The following TMEM8B variants were observed in gnomAD, a reference collection of about 807,000 sequenced individuals.
The protein encoded by TMEM8B is transmembrane protein 8B, also known as nasopharyngeal carcinoma expressed 6.
Under a neutral mutation model 49.3 loss-of-function variants are expected in TMEM8B, and 29 were observed. The ratio of observed to expected loss-of-function variants is 0.59; its 90% CI spans 0.44 to 0.80. The LOEUF (loss-of-function observed/expected upper bound fraction) is 0.80, where lower values mean the gene tolerates loss of function less well. Among genes scored for constraint, TMEM8B ranks in the 30% least tolerant of loss-of-function variants. The pLI is 0.00. For missense variants in TMEM8B, 575 were observed against 658.5 expected (o/e 0.87, Z 1.39); for synonymous variants, 264 against 272.8 (o/e 0.97, Z 0.32).
At position 35,853,014 on chromosome 9, in the gene TMEM8B, T is replaced by G; in HGVS notation, c.2322+41T>G. On this transcript the variant is annotated intron_variant, in intron 11 of 12. Coordinates refer to ENST00000643932, the MANE Select transcript of TMEM8B (RefSeq NM_001042590.4). This position sits in a 1 kb window ranked among gnomAD's most constrained non-coding sequence, Gnocchi z 4.2. Reference sequence around the variant, plus strand: ...GCCCTGGGGAACAACCATGGCCAAGTCTCCTTGAAATCCACTCCTGACCTC... The same window carrying G: ...GCCCTGGGGAACAACCATGGCCAAGGCTCCTTGAAATCCACTCCTGACCTC... 6.2e-7 allele frequency: 1 copy of G among 1,613,358 alleles called. No homozygotes were observed. Among genetic ancestry groups the G allele is most frequent in the Non-Finnish European group, 8.5e-7 (1 of 1,179,542 alleles).
chr9:35,833,599 T>A (rs1176731182), intron 1 of TMEM8B, among the ~76,000 whole-genome samples: 1 of 152,176 alleles, frequency 6.6e-6, no homozygotes, highest in East Asian at 1.9e-4. Flanking sequence ...CCTCCCCACC[T>A]CCCAACTCGG....
In TMEM8B at chr9:35,837,569, T is replaced by G. The variant is rs542480354; in HGVS notation, c.906+2351T>G. 2.6e-5 allele frequency among the ~76,000 whole-genome samples: 4 copies of G among 152,230 alleles called. No homozygotes were observed. In the East Asian group the frequency reaches 7.7e-4, roughly 29 times the overall value. ...CCAGATCACGAAGGGCCTTGACATT[T>G]GAACTGTATCCTGAGCGTGATAGGG... On this transcript the variant is annotated intron_variant, in intron 3 of 12. Coordinates refer to ENST00000643932, the MANE Select transcript of TMEM8B (RefSeq NM_001042590.4).
At position 35,853,281 on chromosome 9, in the gene TMEM8B, G is replaced by A; in HGVS notation, c.2439+24G>A. 2 of 1,592,874 alleles carry A rather than the reference G, an allele frequency of 1.3e-6. No homozygotes were observed. Among genetic ancestry groups the A allele is most frequent in the South Asian group, 1.1e-5 (1 of 90,598 alleles). On this transcript the variant is annotated intron_variant, in intron 12 of 12. Coordinates refer to ENST00000643932, the MANE Select transcript of TMEM8B (RefSeq NM_001042590.4). This position sits in a 1 kb window ranked among gnomAD's most constrained non-coding sequence, Gnocchi z 4.2. ...GGGTAAGGGTGGGGAGGGATGTGGG[G>A]GGAGGGTCCCAGCAGGACTTGGGTG...
At position 35,853,454 on chromosome 9, in the gene TMEM8B, T is replaced by C. The variant is rs773699704; in HGVS notation, c.2440-51T>C. On this transcript the variant is annotated intron_variant, in intron 12 of 12. Coordinates refer to ENST00000643932, the MANE Select transcript of TMEM8B (RefSeq NM_001042590.4). The surrounding 1 kb of genome is among the most constrained non-coding windows in gnomAD (Gnocchi z 4.2). ...AAACCTGAGAGTGACCAGCTCTGGCTTGGGTTCCAGGGCTTGGCATTCCTG... is the reference window on the plus strand; with the variant it reads ...AAACCTGAGAGTGACCAGCTCTGGCCTGGGTTCCAGGGCTTGGCATTCCTG... The C allele has an allele frequency of 2.5e-6, 4 of 1,575,042 alleles. No homozygotes were observed. In the South Asian group the frequency reaches 4.7e-5, roughly 18 times the overall value.
In TMEM8B at chr9:35,846,031, C is replaced by T. The variant is rs1022957075; in HGVS notation, c.1692C>T (p.Pro564=). The change falls in exon 7 of 13, where the codon CCC becomes CCT. Residue 564 remains proline, a synonymous_variant. Coordinates refer to ENST00000643932, the MANE Select transcript of TMEM8B (RefSeq NM_001042590.4). Reference sequence around the variant, plus strand: ...TTGGATGCTTGACTCACGAGGTGCCCTTGAGCCTGGGGGATGCAGCAGTGA... The same window carrying T: ...TTGGATGCTTGACTCACGAGGTGCCTTTGAGCCTGGGGGATGCAGCAGTGA... The part of the protein sequence containing the change: ...TVFGCLTHEV[P]LSLGDAAVTC... 2 of 1,613,204 alleles carry T rather than the reference C, an allele frequency of 1.2e-6. No individual in the cohort carries two copies. The highest frequency in any genetic ancestry group is 1.7e-6 in the Non-Finnish European group (2 of 1,179,936).
intron 1 of TMEM8B, among the ~76,000 whole-genome samples, chr9:35,832,824 C>T (rs1217620551): frequency 6.6e-6 from 1 of 152,182 alleles, no homozygotes; most frequent in East Asian, 1.9e-4. Flanking sequence ...CTGCCTCCTA[C>T]TTAGCACAGC....
At chr9:35,837,868 G>C (rs908293791) in intron 3 of TMEM8B, among the ~76,000 whole-genome samples, 1 of 152,102 alleles carries the variant, frequency 6.6e-6, no homozygotes, top group African/African-American at 2.4e-5. Context: ...AGTCTGCTCT[G>C]GGGGGCTGGC....
At chr9:35,843,629 T>TC (rs1295197282) in intron 6 of TMEM8B, among the ~76,000 whole-genome samples, 1 of 152,246 alleles carries the variant, frequency 6.6e-6, no homozygotes. Flanking sequence ...TGAACTGAGA[T>TC]CCCTGGGTCT....
chr9:35,830,007 G>C (rs1829691064), intron 1 of TMEM8B, 52 bp downstream of exon 1: 1 of 414,288 alleles, frequency 2.4e-6, no homozygotes, highest in Non-Finnish European at 4.4e-6. Flanking sequence ...CCGGCAGGGA[G>C]GGGTGGGCTG....
chr9:35,847,657 G>T (rs960574978), intron 10 of TMEM8B, among the ~76,000 whole-genome samples: 3 of 152,190 alleles, frequency 2.0e-5, no homozygotes, highest in Non-Finnish European at 1.5e-5. Flanking sequence ...ATGTCCTGAG[G>T]CATTGTCGGA....
At position 35,857,110 on chromosome 9, in the gene TMEM8B, C is replaced by G. The variant is rs1186947448; in HGVS notation, c.*3270C>G. The G allele has an allele frequency of 6.6e-6, 1 of 152,290 alleles. No homozygotes were observed. Among genetic ancestry groups the G allele is most frequent in the Non-Finnish European group, 1.5e-5 (1 of 68,080 alleles). The allele number at this position is 152,290 out of a possible 1,614,324, so 9.4% of individuals were successfully genotyped here. ...ACGACTGGACTGAGACCCCTGAGCA[C>G]TTGCAGCTGCCTGGGGCATGTTCAG... On this transcript the variant is annotated 3_prime_UTR_variant, in exon 13 of 13. Transcript: ENST00000643932.
chr9:35,840,005 G>A (rs1044931719), intron 3 of TMEM8B, among the ~76,000 whole-genome samples: 30 of 152,070 alleles, frequency 2.0e-4, no homozygotes, highest in Non-Finnish European at 4.1e-4. Context: ...GGGATGTCAG[G>A]GCCTGGAACT....
intron 10 of TMEM8B, among the ~76,000 whole-genome samples, chr9:35,848,117 AAGC>A (rs775456529): frequency 2.0e-5 from 3 of 152,134 alleles, no homozygotes; most frequent in Non-Finnish European, 4.4e-5. Flanking sequence ...ATCTGGGAGA[AAGC>A]AGGGGCAAAT....
Position 35,846,812 on chromosome 9 carries a change from C to T in TMEM8B, c.1997-5C>T, listed in dbSNP as rs372574813. On this transcript the variant is annotated splice_polypyrimidine_tract_variant and splice_region_variant and intron_variant, in intron 9 of 12. Coordinates refer to ENST00000643932, the MANE Select transcript of TMEM8B (RefSeq NM_001042590.4). ...TCTTCCATTCTGTGCCTTCCCCACCCGCAGGGTGGAGAGGCTGGGGCTGCA... is the reference window on the plus strand; with the variant it reads ...TCTTCCATTCTGTGCCTTCCCCACCTGCAGGGTGGAGAGGCTGGGGCTGCA... The T allele has an allele frequency of 8.1e-6, 13 of 1,610,372 alleles. No homozygotes were observed. The highest frequency in any genetic ancestry group is 1.7e-5 in the Admixed American group (1 of 59,790).
rs746523818 is a variant in TMEM8B at position 35,846,575 on chromosome 9, C to G, written c.1960C>G (p.His654Asp). Residue 654 changes from histidine (H) to aspartate (D), a missense_variant, in exon 9 of 13, where the codon CAC becomes GAC. Physicochemically the swap from His to Asp is moderately conservative, Grantham distance 81. Coordinates refer to ENST00000643932, the MANE Select transcript of TMEM8B (RefSeq NM_001042590.4). ...PYGQCKLLRT[H>D]NYLYAACECK... ...CGGCCAGTGCAAGCTGCTGCGCACA[C>G]ACAATTATCTGTACGCAGCCTGCGA... The G allele has an allele frequency of 1.2e-5, 19 of 1,573,136 alleles. No homozygotes were observed. The highest frequency in any genetic ancestry group is 1.6e-5 in the Non-Finnish European group (19 of 1,159,228).
At position 35,862,975 on chromosome 9, in the gene TMEM8B, G is replaced by A; in HGVS notation, c.*9135G>A. On this transcript the variant is annotated 3_prime_UTR_variant, in exon 13 of 13. Coordinates refer to ENST00000643932, the MANE Select transcript of TMEM8B (RefSeq NM_001042590.4). ...TGCCATTTGAGTTGAACTATTTATT[G>A]ACATCCAGTGTTGTTCTGCCAAAAA... 1 of 152,132 alleles carries A rather than the reference G, an allele frequency of 6.6e-6. No individual in the cohort carries two copies. The highest frequency in any genetic ancestry group is 1.9e-4 in the East Asian group (1 of 5,192). The allele number at this position is 152,132 out of a possible 1,614,324, so 9.4% of individuals were successfully genotyped here.
chr9:35,830,266 C>CA (rs1265311682), intron 1 of TMEM8B, among the ~76,000 whole-genome samples: 1 of 152,164 alleles, frequency 6.6e-6, no homozygotes, highest in Non-Finnish European at 1.5e-5. Context: ...TGCTCCTGCT[C>CA]ACAAAGTTTG....
Position 35,841,855 on chromosome 9 carries a change from G to A in TMEM8B, c.1309+61G>A, listed in dbSNP as rs896753282. ...CATCTGTGGTTGGGAAGTGACTTGG[G>A]TGGCTGTGTTCAGTGGCCCTCTGCC... is the stretch of plus-strand genomic sequence containing the variant. On this transcript the variant is annotated intron_variant, in intron 5 of 12. Transcript: ENST00000643932. This position sits in a 1 kb window ranked among gnomAD's most constrained non-coding sequence, Gnocchi z 5.9. 4.8e-6 allele frequency: 2 copies of A among 414,896 alleles called. No homozygotes were observed. The highest frequency in any genetic ancestry group is 3.6e-5 in the East Asian group (1 of 28,066). The allele number at this position is 414,896 out of a possible 1,614,324, so 25.7% of individuals were successfully genotyped here.
At chr9:35,852,387 A>T (rs1249561780) in intron 10 of TMEM8B, among the ~76,000 whole-genome samples, 1 of 152,176 alleles carries the variant, frequency 6.6e-6, no homozygotes, top group African/African-American at 2.4e-5. Flanking sequence ...CCCAGTTCAG[A>T]GTCTGAGCTA....
Sources: gnomAD v4.1 joint callset for allele counts (sites outside exome capture counted in the v4.1 genomes callset) on GRCh38, gnomAD v4.1.1 for gene constraint, Gnocchi (gnomAD v3.1) non-coding constraint, MANE v1.5 for transcripts, NCBI Gene and HGNC (gene_info 2026-07-23, HGNC 2026-07-21) for gene names.